Variants in ALKBH5 observed in about 807,000 individuals in gnomAD.
ALKBH5 encodes the protein alkB homolog 5, RNA demethylase.
Under a neutral mutation model 32.1 loss-of-function variants are expected in ALKBH5, and 2 were observed. That is an observed-to-expected ratio of 0.06 (90% CI 0.03 to 0.20). ALKBH5 has a LOEUF of 0.20. Among genes scored for constraint, ALKBH5 ranks in the 10% least tolerant of loss-of-function variants. The pLI is 1.00. For missense variants in ALKBH5, 352 were observed against 559.5 expected (o/e 0.63, Z 3.74); for synonymous variants, 300 against 231.7 (o/e 1.29, Z -2.68).
At chr17:18,185,160 G>C in intron 1 of ALKBH5, 147 bp downstream of exon 1, 1 of 1,394,634 alleles carries the variant, frequency 7.2e-7, no homozygotes, top group Non-Finnish European at 9.5e-7. Flanking sequence ...CGAGAGAAGG[G>C]TTTTGTGTTT....
At chr17:18,208,031 A>G (rs943804192) in intron 3 of ALKBH5, among the ~76,000 whole-genome samples, 188 bp from the exon 4 acceptor site, 1 of 152,174 alleles carries the variant, frequency 6.6e-6, no homozygotes. Flanking sequence ...AAATGTCCCA[A>G]AGACTGGGAT....
chr17:18,185,140 T>TTA, intron 1 of ALKBH5, 127 bp downstream of exon 1: 1 of 1,458,052 alleles, frequency 6.9e-7, no homozygotes, highest in Non-Finnish European at 9.1e-7. Flanking sequence ...TGTTTGTAGA[T>TTA]TGTAGGGAGC....
intron 2 of ALKBH5, among the ~76,000 whole-genome samples, chr17:18,198,403 C>T (rs1353516480): frequency 2.6e-5 from 4 of 152,176 alleles, no homozygotes; most frequent in African/African-American, 9.7e-5. Context: ...AGAGTAGCTA[C>T]ATGGGTTTGT....
intron 1 of ALKBH5, among the ~76,000 whole-genome samples, chr17:18,190,080 A>C (rs1179277245): frequency 2.6e-5 from 4 of 152,196 alleles, no homozygotes; most frequent in Admixed American, 2.6e-4. Context: ...ATAGCTGGAG[A>C]GAGACAGTCA....
chr17:18,196,466 C>A (rs1225889612), intron 2 of ALKBH5, among the ~76,000 whole-genome samples: 2 of 152,226 alleles, frequency 1.3e-5, no homozygotes, highest in Non-Finnish European at 2.9e-5. Flanking sequence ...AGTGGTTCAC[C>A]TGCCTTGGCC....
At chr17:18,186,050 G>T (rs1247549099) in intron 1 of ALKBH5, among the ~76,000 whole-genome samples, 1 of 152,188 alleles carries the variant, frequency 6.6e-6, no homozygotes, top group Non-Finnish European at 1.5e-5. Context: ...AAGTCATGAG[G>T]AGAAGCAGGG....
rs1308387793 is a variant in ALKBH5 at position 18,206,903 on chromosome 17, A to G, written c.940A>G (p.Asn314Asp). 2 of 1,614,244 alleles carry G rather than the reference A, an allele frequency of 1.2e-6. No individual in the cohort carries two copies. Among genetic ancestry groups the G allele is most frequent in the Admixed American group, 3.3e-5 (2 of 60,024 alleles). The part of the protein sequence containing the change: ...PSYASDRLSG[N>D]NRDPALKPKR... ...CTATGCTTCAGATCGCCTGTCAGGA[A>G]ACAACAGGGACCCTGCTCTGAAACC... Residue 314 changes from asparagine (N) to aspartate (D), a missense_variant, in exon 3 of 4, where the codon AAC becomes GAC. Physicochemically the swap from Asn to Asp is conservative, Grantham distance 23 (BLOSUM62 1). Around this residue, in one of 4 missense-constraint regions of ALKBH5, gnomAD observed 124 missense variants for 142.4 expected, o/e 0.87. Coordinates refer to ENST00000399138, the MANE Select transcript of ALKBH5 (RefSeq NM_017758.4).
At chr17:18,196,214 CTTT>C (rs575337257) in intron 2 of ALKBH5, among the ~76,000 whole-genome samples, 9 of 140,586 alleles carry the variant, frequency 6.4e-5, no homozygotes, top group Admixed American at 1.4e-4. Context: ...TTGCCTTATT[CTTT>C]TTTTTTTTTT....
In ALKBH5 at chr17:18,184,936, G is replaced by A. The variant is rs1399160294; in HGVS notation, c.693G>A (p.Lys231=). The change falls in exon 1 of 4, where the codon AAG becomes AAA. Residue 231 remains lysine (K), a synonymous_variant. Coordinates refer to ENST00000399138, the MANE Select transcript of ALKBH5 (RefSeq NM_017758.4). ...FSDSALCFGC[K]FQFKPIRVSE... is the part of the protein sequence containing the mutation. ...ACTCTGCGCTGTGCTTCGGCTGCAAGTTCCAGTTCAAGCCTATTCGGGTGT... is the reference window on the plus strand; with the variant it reads ...ACTCTGCGCTGTGCTTCGGCTGCAAATTCCAGTTCAAGCCTATTCGGGTGT... 6.2e-7 allele frequency: 1 copy of A among 1,613,966 alleles called. No homozygotes were observed. Among genetic ancestry groups the A allele is most frequent in the Non-Finnish European group, 8.5e-7 (1 of 1,180,048 alleles).
At chr17:18,186,716 T>C (rs2047141902) in intron 1 of ALKBH5, among the ~76,000 whole-genome samples, 1 of 152,310 alleles carries the variant, frequency 6.6e-6, no homozygotes, top group Admixed American at 6.5e-5. Context: ...AATAGTAAAG[T>C]CCTAAAGCTT....
Position 18,183,880 on chromosome 17 carries a change from C to T in ALKBH5, c.-364C>T. 2.6e-6 allele frequency: 1 copy of T among 389,090 alleles called. No individual in the cohort carries two copies. The highest frequency in any genetic ancestry group is 4.9e-6 in the Non-Finnish European group (1 of 205,274). 24.1% of individuals were successfully genotyped at this position (389,090 alleles called of 1,614,324 possible). A position where few individuals can be genotyped will look rare whatever the true frequency, so the allele number is the denominator to read the frequency against. Reference sequence around the variant, plus strand: ...CGGACGTCGGGCTGGCTGCCCGTGACGTCGTGCGGAGAGCTTTAAAGTGCG... The same window carrying T: ...CGGACGTCGGGCTGGCTGCCCGTGATGTCGTGCGGAGAGCTTTAAAGTGCG... On this transcript the variant is annotated 5_prime_UTR_variant, in exon 1 of 4. It adds an upstream start codon to the 5' untranslated region. Coordinates refer to ENST00000399138, the MANE Select transcript of ALKBH5 (RefSeq NM_017758.4).
At chr17:18,199,394 A>G (rs1254714738) in intron 2 of ALKBH5, among the ~76,000 whole-genome samples, 4 of 152,226 alleles carry the variant, frequency 2.6e-5, no homozygotes, top group African/African-American at 9.6e-5. Context: ...CTGGGGTATA[A>G]TAATTCATCT....
intron 2 of ALKBH5, among the ~76,000 whole-genome samples, chr17:18,203,489 CTCACATGCCCGAGG>C (rs1361107917): frequency 3.3e-5 from 5 of 152,350 alleles, no homozygotes; most frequent in East Asian, 1.9e-4. Context: ...CACGGTCAAC[CTCACATGCCCGAGG>C]TCACATGCCC....
At position 18,208,652 on chromosome 17, in the gene ALKBH5, T is replaced by C. The variant is rs2047285821; in HGVS notation, c.*256T>C. 1.7e-6 allele frequency: 1 copy of C among 597,422 alleles called. No homozygotes were observed. The highest frequency in any genetic ancestry group is 1.9e-5 in the African/African-American group (1 of 53,594). The allele number at this position is 597,422 out of a possible 1,614,324, so 37.0% of individuals were successfully genotyped here. A position where few individuals can be genotyped will look rare whatever the true frequency, so the allele number is the denominator to read the frequency against. Reference sequence around the variant, plus strand: ...GGCATCAATAGGGGACAGAGGCTGATGCTGGAGTGGCCAGTAGAGGTGGTG... The same window carrying C: ...GGCATCAATAGGGGACAGAGGCTGACGCTGGAGTGGCCAGTAGAGGTGGTG... On this transcript the variant is annotated 3_prime_UTR_variant, in exon 4 of 4. Coordinates refer to ENST00000399138, the MANE Select transcript of ALKBH5 (RefSeq NM_017758.4).
In ALKBH5 at chr17:18,183,995, G is replaced by C. The variant is rs1227253782; in HGVS notation, c.-249G>C. Reference sequence around the variant, plus strand: ...GGCATGAGGCGCTGCCGGCGCCCCTGCCCCGCGGGACGTGGAGAAGGTGGA... The same window carrying C: ...GGCATGAGGCGCTGCCGGCGCCCCTCCCCCGCGGGACGTGGAGAAGGTGGA... On this transcript the variant is annotated 5_prime_UTR_variant, in exon 1 of 4. Coordinates refer to ENST00000399138, the MANE Select transcript of ALKBH5 (RefSeq NM_017758.4). The C allele has an allele frequency of 1.5e-6, 1 of 650,824 alleles. No individual in the cohort carries two copies. Among genetic ancestry groups the C allele is most frequent in the African/African-American group, 1.9e-5 (1 of 53,456 alleles). The allele number at this position is 650,824 out of a possible 1,614,324, so 40.3% of individuals were successfully genotyped here. A position where few individuals can be genotyped will look rare whatever the true frequency, so the allele number is the denominator to read the frequency against.
intron 3 of ALKBH5, 62 bp from the exon 4 acceptor site, chr17:18,208,157 C>T (rs1232107748): frequency 2.0e-6 from 3 of 1,526,840 alleles, no homozygotes; most frequent in Admixed American, 2.0e-5. Context: ...CGAGGTACAG[C>T]GGTAAAGCCA....
In ALKBH5 at chr17:18,185,079, AAGC is replaced by A. The variant is rs1394632658; in HGVS notation, c.770+73_770+75del. ...CCTTAGCTACCCACCCTGGCCCAGA[AAGC>A]AGCAGCCCGTAGGAGTCTGCGTTTT... On this transcript the variant is annotated intron_variant, in intron 1 of 3. Coordinates refer to ENST00000399138, the MANE Select transcript of ALKBH5 (RefSeq NM_017758.4). 6 of 1,558,216 alleles carry A rather than the reference AAGC, an allele frequency of 3.9e-6. No homozygotes were observed. In the African/African-American group the frequency reaches 4.1e-5, roughly 11 times the overall value.
chr17:18,208,170 C>T (rs776623533), intron 3 of ALKBH5, 49 bp from the exon 4 acceptor site: 28 of 1,552,318 alleles, frequency 1.8e-5, no homozygotes, highest in South Asian at 1.3e-4. Context: ...TAAAGCCAGG[C>T]GCCTCCTGCC....
At chr17:18,201,794 A>T (rs900478436) in intron 2 of ALKBH5, among the ~76,000 whole-genome samples, 12 of 134,416 alleles carry the variant, frequency 8.9e-5, no homozygotes, top group Non-Finnish European at 8.2e-5. Context: ...TAGGATAGAT[A>T]AGATAGATAG....
Sources: allele counts gnomAD v4.1 joint callset (sites outside exome capture counted in the v4.1 genomes callset), GRCh38; gene constraint gnomAD v4.1.1; regional missense constraint gnomAD v4.1.1; transcripts MANE v1.5; gene names NCBI Gene and HGNC (gene_info 2026-07-23, HGNC 2026-07-21).